MZT2B: variants seen among roughly 807,000 people sequenced by gnomAD.
MZT2B encodes mitotic-spindle organizing protein 2B.
MZT2B carries 11 observed loss-of-function variants against 12.1 expected under a neutral mutation model. The observed-to-expected ratio is 0.91, with a 90% CI of 0.57 to 1.50. MZT2B has a LOEUF of 1.50. Ranked by LOEUF, MZT2B falls within the 40% of genes most tolerant of loss-of-function variation. The pLI, the probability that MZT2B is intolerant of heterozygous loss-of-function variation, is 0.00. For synonymous variants in MZT2B, 85 were observed against 109.5 expected, an observed-to-expected ratio of 0.78 and a Z score of 1.40; for missense variants, 209 against 227.7, an observed-to-expected ratio of 0.92 and a Z score of 0.53.
Position 130,182,273 on chromosome 2 carries a change from G to C in MZT2B, c.-10G>C. 9 of 1,308,218 alleles carry C rather than the reference G, an allele frequency of 6.9e-6. No homozygotes were observed. The highest frequency in any genetic ancestry group is 7.7e-6 in the Non-Finnish European group (8 of 1,037,708). 81.0% of individuals were successfully genotyped at this position (1,308,218 alleles called of 1,614,324 possible). A position where few individuals can be genotyped will look rare whatever the true frequency, so the allele number is the denominator to read the frequency against. On this transcript the variant is annotated 5_prime_UTR_variant, in exon 1 of 3. Transcript: ENST00000281871. ...GCGGGGCGGAGCGCACCTTTCCGCG[G>C]GCCGCGGGGATGGCGGCGCAGGGCG... is the stretch of plus-strand genomic sequence containing the variant.
chr2:130,184,732 G>C (rs1689992718), intron 2 of MZT2B: 1 of 985,326 alleles, frequency 1.0e-6, no homozygotes, highest in Non-Finnish European at 1.2e-6. Context: ...TGGGAACAGA[G>C]TCCTTGTCAC....
rs1573755912 is a variant in MZT2B at position 130,182,728 on chromosome 2, A to C, written c.272A>C (p.Asp91Ala). Residue 91 changes from aspartate to alanine, a missense_variant, in exon 2 of 3, where the codon GAC (aspartate) becomes GCC (alanine). Coordinates refer to ENST00000281871, the MANE Select transcript of MZT2B (RefSeq NM_025029.5). ...CAGAGGCTAGCGAGCGAGCCCCAGG[A>C]CCCTGCGGCCGTGTCTCTGCCCACG... Reference protein sequence around the residue: ...AGQRLASEPQDPAAVSLPTSS... With the variant: ...AGQRLASEPQAPAAVSLPTSS... The C allele has an allele frequency of 2.0e-6, 3 of 1,532,614 alleles. No individual in the cohort carries two copies. The highest frequency in any genetic ancestry group is 2.6e-6 in the Non-Finnish European group (3 of 1,136,238). The allele number at this position is 1,532,614 out of a possible 1,614,324, so 94.9% of individuals were successfully genotyped here.
At chr2:130,194,700 C>A (rs571836018), downstream of MZT2B, among the ~76,000 whole-genome samples, 2 of 152,082 alleles carry the variant, frequency 1.3e-5, no homozygotes, top group Non-Finnish European at 2.9e-5. Flanking sequence ...TTGTTTGAGA[C>A]GGAATCTTGC....
chr2:130,192,023 G>C (rs1690273382), downstream of MZT2B: 1 of 1,613,982 alleles, frequency 6.2e-7, no homozygotes, highest in Non-Finnish European at 8.5e-7. Flanking sequence ...GGCGGGCCCA[G>C]GCCTCCGCAA....
In MZT2B at chr2:130,189,441, T is replaced by C. The variant is rs561879405; in HGVS notation, c.320-1028T>C. Among the ~76,000 whole-genome samples the C allele has an allele frequency of 9.2e-5, 14 of 152,194 alleles. No individual in the cohort carries two copies. The South Asian group carries it at 1.9e-3, about 20-fold the overall frequency. On this transcript the variant is annotated intron_variant, in intron 2 of 2. Coordinates refer to ENST00000281871, the MANE Select transcript of MZT2B (RefSeq NM_025029.5). Reference sequence around the variant, plus strand: ...ATTAGGTCAGAGTAGTCAAGGCACTTCCTCAGTCAGGACAAAGGAAACACT... The same window carrying C: ...ATTAGGTCAGAGTAGTCAAGGCACTCCCTCAGTCAGGACAAAGGAAACACT...
chr2:130,202,375 A>G, the MZT2B span: 1 of 1,290,734 alleles, frequency 7.7e-7, no homozygotes, highest in South Asian at 1.2e-5. Context: ...GATTTCACAC[A>G]GCAGCTACGG....
chr2:130,188,469 C>A (rs1029207480), intron 2 of MZT2B, among the ~76,000 whole-genome samples: 1 of 152,200 alleles, frequency 6.6e-6, no homozygotes, highest in Non-Finnish European at 1.5e-5. Flanking sequence ...ACAAGAGATG[C>A]GTGGTGGCTA....
upstream of MZT2B, chr2:130,181,957 C>A: frequency 7.0e-7 from 1 of 1,419,860 alleles, no homozygotes; most frequent in South Asian, 1.3e-5. Flanking sequence ...ACCGAGCGCC[C>A]AATGTATGCC....
At chr2:130,186,479 A>G (rs1690069964) in intron 2 of MZT2B, among the ~76,000 whole-genome samples, 1 of 152,236 alleles carries the variant, frequency 6.6e-6, no homozygotes, top group South Asian at 2.1e-4. Flanking sequence ...ATACGTTTTA[A>G]AAGTTGTCCA....
chr2:130,184,321 T>G (rs1689967029), intron 2 of MZT2B: 1 of 985,318 alleles, frequency 1.0e-6, no homozygotes, highest in African/African-American at 1.7e-5. Context: ...CACCTCGGCC[T>G]CTTAGAAGTT....
At chr2:130,191,012 C>T (rs142108251), downstream of MZT2B, among the ~76,000 whole-genome samples, 684 of 152,144 alleles carry the variant, frequency 4.5e-3, 3 homozygotes, top group African/African-American at 0.015. Context: ...TGCAGTGGTG[C>T]GATCTCGGCT....
At chr2:130,191,659 G>C, downstream of MZT2B, 1 of 1,227,088 alleles carries the variant, frequency 8.1e-7, no homozygotes, top group Non-Finnish European at 1.1e-6. Flanking sequence ...CAGCAGGGCA[G>C]GCTGGCACCC....
downstream of MZT2B, among the ~76,000 whole-genome samples, chr2:130,193,606 CAAAA>C (rs34918027): frequency 8.4e-5 from 8 of 95,044 alleles, no homozygotes; most frequent in African/African-American, 1.2e-4. Context: ...AAGACTGTCT[CAAAA>C]AAAAAAAAAA....
intron 2 of MZT2B, chr2:130,184,376 C>T (rs185001962): frequency 4.3e-5 from 42 of 985,454 alleles, no homozygotes; most frequent in Admixed American, 6.1e-5. Flanking sequence ...ACAGAGACTC[C>T]CACCTTCCCA....
At chr2:130,201,214 CT>C in the MZT2B span, among the ~76,000 whole-genome samples, 2 of 152,220 alleles carry the variant, frequency 1.3e-5, no homozygotes, top group African/African-American at 4.8e-5. Context: ...GGACGGAGTT[CT>C]GCCGACAGCT....
downstream of MZT2B, chr2:130,195,147 A>T: frequency 1.2e-6 from 2 of 1,613,626 alleles, no homozygotes; most frequent in Non-Finnish European, 1.7e-6. Context: ...CCCCTGGCGT[A>T]ATTACTGGCT....
intron 2 of MZT2B, chr2:130,184,473 T>C (rs1485605879): frequency 3.0e-6 from 3 of 985,336 alleles, no homozygotes; most frequent in African/African-American, 3.5e-5. Flanking sequence ...ACCTCACTCC[T>C]GAGTTAGCAC....
At chr2:130,203,052 T>C in the MZT2B span, among the ~76,000 whole-genome samples, 6 of 136,644 alleles carry the variant, frequency 4.4e-5, no homozygotes, top group African/African-American at 6.3e-5. Flanking sequence ...TTTTTTCTTT[T>C]TTTTTTTTTT....
downstream of MZT2B, chr2:130,194,359 G>A (rs748382157): frequency 3.1e-6 from 5 of 1,613,404 alleles, no homozygotes; most frequent in East Asian, 1.1e-4. Flanking sequence ...ACTTCTTGCT[G>A]TAATCCACTG....
Sources: allele counts gnomAD v4.1 joint callset (sites outside exome capture counted in the v4.1 genomes callset), GRCh38; gene constraint gnomAD v4.1.1; transcripts MANE v1.5; gene names NCBI Gene and HGNC (gene_info 2026-07-23, HGNC 2026-07-21).